Variants in LRIG2 observed in about 807,000 individuals in gnomAD.
LRIG2 encodes the protein leucine-rich repeats and immunoglobulin-like domains protein 2.
Under a neutral mutation model 107.8 loss-of-function variants are expected in LRIG2, and 93 were observed. That is an observed-to-expected ratio of 0.86 (90% CI 0.73 to 1.03). The LOEUF (loss-of-function observed/expected upper bound fraction) is 1.03. Ranked by LOEUF, LRIG2 falls within the 50% of genes least tolerant of loss-of-function variation. LRIG2 has a pLI of 0.00. For missense variants in LRIG2, 1,226 were observed against 1,296.0 expected (o/e 0.95, Z 0.83); for synonymous variants, 471 against 470.6 (o/e 1.00, Z -0.01).
chr1:113,097,446 A>G (rs1197077183), intron 8 of LRIG2, among the ~76,000 whole-genome samples: 1 of 152,074 alleles, frequency 6.6e-6, no homozygotes, highest in Non-Finnish European at 1.5e-5. Context: ...GGGTATATAC[A>G]TGCACAGGTG....
At chr1:113,096,067 T>G (rs1211790520) in intron 7 of LRIG2, 50 bp downstream of exon 7, 4 of 1,609,652 alleles carry the variant, frequency 2.5e-6, no homozygotes, top group Non-Finnish European at 3.4e-6. Flanking sequence ...TAGAGCAGAT[T>G]GGAATAAATC....
At chr1:113,118,171 G>A (rs1421047025) in intron 16 of LRIG2, among the ~76,000 whole-genome samples, 5 of 150,742 alleles carry the variant, frequency 3.3e-5, no homozygotes, top group Admixed American at 6.6e-5. Flanking sequence ...CACCTGCCTC[G>A]GCCTCCCCAA....
At chr1:113,100,377 A>G (rs193106608) in intron 10 of LRIG2, 43 bp from the exon 11 acceptor site, 3 of 1,435,590 alleles carry the variant, frequency 2.1e-6, no homozygotes, top group Admixed American at 1.7e-5. Context: ...GTAACTTGAT[A>G]TAGAAATGGT....
At chr1:113,080,673 C>T (rs939972232) in intron 1 of LRIG2, among the ~76,000 whole-genome samples, 10 of 151,822 alleles carry the variant, frequency 6.6e-5, no homozygotes, top group Admixed American at 3.3e-4. Flanking sequence ...CCACTGTGCC[C>T]GGCCTGCTTC....
chr1:113,102,579 A>AT (rs879906879), intron 11 of LRIG2, among the ~76,000 whole-genome samples: 101 of 145,832 alleles, frequency 6.9e-4, no homozygotes, highest in South Asian at 1.5e-3. Context: ...CTGTCAAGAT[A>AT]TTTTTTTTTT....
rs142682580 is a variant in LRIG2 at position 113,092,097 on chromosome 1, C to T, written c.305+714C>T. On this transcript the variant is annotated intron_variant, in intron 2 of 17. Coordinates refer to ENST00000361127, the MANE Select transcript of LRIG2 (RefSeq NM_014813.3). ...GGCCCCAGATTCACTGCTTCTAATA[C>T]GTTGTGGATGAGTACACAGTTGACA... Among the ~76,000 whole-genome samples the T allele has an allele frequency of 5.9e-5, 9 of 152,276 alleles. No homozygotes were observed. The East Asian group carries it at 1.5e-3, about 26-fold the overall frequency.
At chr1:113,085,669 A>T (rs1025730637) in intron 1 of LRIG2, among the ~76,000 whole-genome samples, 1 of 152,240 alleles carries the variant, frequency 6.6e-6, no homozygotes, top group African/African-American at 2.4e-5. Flanking sequence ...TCCAGGAAGC[A>T]TTTATTCACA....
intron 3 of LRIG2, 37 bp downstream of exon 3, chr1:113,093,317 A>G (rs368727896): frequency 6.4e-6 from 10 of 1,550,650 alleles, no homozygotes; most frequent in African/African-American, 2.8e-5. Context: ...TACTTAAATT[A>G]TGAAAAGTAT....
Position 113,114,695 on chromosome 1 carries a change from C to A in LRIG2, c.2349C>A (p.Val783=). 1 of 1,614,140 alleles carries A rather than the reference C, an allele frequency of 6.2e-7. No homozygotes were observed. Among genetic ancestry groups the A allele is most frequent in the Non-Finnish European group, 8.5e-7 (1 of 1,180,036 alleles). Reference sequence around the variant, plus strand: ...AACGTGGCCACATTTACCTAAATGTCATTTCATCCCCCAATTGTGACTCTT... The same window carrying A: ...AACGTGGCCACATTTACCTAAATGTAATTTCATCCCCCAATTGTGACTCTT... ...GTERGHIYLN[V]ISSPNCDSSQ... The change falls in exon 15 of 18, where the codon GTC becomes GTA. Residue 783 remains valine (V), a synonymous_variant. Coordinates refer to ENST00000361127, the MANE Select transcript of LRIG2 (RefSeq NM_014813.3).
Position 113,128,685 on chromosome 1 carries a change from T to A in LRIG2, c.*4584T>A, listed in dbSNP as rs758208654. On this transcript the variant is annotated 3_prime_UTR_variant, in exon 18 of 18. Transcript: ENST00000361127. ...AGAAATACTCATTAGGAGAAAAAAA[T>A]TCTGCTTCTAAACAGTATTAGTAAA... 6.6e-6 allele frequency: 1 copy of A among 152,122 alleles called. No individual in the cohort carries two copies. Among genetic ancestry groups the A allele is most frequent in the East Asian group, 1.9e-4 (1 of 5,194 alleles). 9.4% of individuals were successfully genotyped at this position (152,122 alleles called of 1,614,324 possible).
At position 113,073,343 on chromosome 1, in the gene LRIG2, T is replaced by C; in HGVS notation, c.-64T>C. 7.4e-7 allele frequency: 1 copy of C among 1,356,350 alleles called. No individual in the cohort carries two copies. The highest frequency in any genetic ancestry group is 1.2e-5 in the South Asian group (1 of 80,300). The allele number at this position is 1,356,350 out of a possible 1,614,324, so 84.0% of individuals were successfully genotyped here. ...AGCCACCGAGCATCTCTGCTGAGCTTCTCCGCCGATCCTCCTTTTCTAGCA... is the reference window on the plus strand; with the variant it reads ...AGCCACCGAGCATCTCTGCTGAGCTCCTCCGCCGATCCTCCTTTTCTAGCA... On this transcript the variant is annotated 5_prime_UTR_variant, in exon 1 of 18. Transcript: ENST00000361127.
chr1:113,115,403 G>A (rs1163131500), intron 15 of LRIG2, among the ~76,000 whole-genome samples: 1 of 152,078 alleles, frequency 6.6e-6, no homozygotes, highest in Non-Finnish European at 1.5e-5. Context: ...GTAGAGTCGG[G>A]TTTTGCCATG....
chr1:113,084,213 C>CTTTTT (rs66711679), intron 1 of LRIG2, among the ~76,000 whole-genome samples: 4 of 120,900 alleles, frequency 3.3e-5, no homozygotes, highest in East Asian at 2.4e-4. Context: ...TTACTTAATT[C>CTTTTT]TTTTTTTTTT....
At chr1:113,114,250 T>C (rs1164020605) in intron 14 of LRIG2, among the ~76,000 whole-genome samples, 177 bp from the exon 15 acceptor site, 5 of 152,138 alleles carry the variant, frequency 3.3e-5, no homozygotes, top group Non-Finnish European at 5.9e-5. Flanking sequence ...GCTGGAATTA[T>C]CGAGAAAAGA....
Position 113,110,240 on chromosome 1 carries a change from A to G in LRIG2, c.1478-2A>G, listed in dbSNP as rs765658419. 4.5e-6 allele frequency: 7 copies of G among 1,571,922 alleles called. No individual in the cohort carries two copies. The highest frequency in any genetic ancestry group is 2.7e-5 in the African/African-American group (2 of 73,426). ...GCTACGGATGCATTTTTTTCCCCTTAGATGATTTTCTCAAGCCACAGATAA... is the reference window on the plus strand; with the variant it reads ...GCTACGGATGCATTTTTTTCCCCTTGGATGATTTTCTCAAGCCACAGATAA... On this transcript the variant is annotated splice_acceptor_variant, in intron 12 of 17. Coordinates refer to ENST00000361127, the MANE Select transcript of LRIG2 (RefSeq NM_014813.3). LOFTEE classifies it high-confidence loss of function.
chr1:113,097,338 G>A (rs964166232), intron 8 of LRIG2, among the ~76,000 whole-genome samples: 1 of 152,118 alleles, frequency 6.6e-6, no homozygotes, highest in African/African-American at 2.4e-5. Context: ...GGACTTTGTG[G>A]TCATTAGGTT....
At chr1:113,073,754 A>G in intron 1 of LRIG2, 109 bp downstream of exon 1, 2 of 1,027,042 alleles carry the variant, frequency 1.9e-6, no homozygotes, top group Non-Finnish European at 2.8e-6. Context: ...CGAGAGCCTA[A>G]GCTCTGAAGG....
At chr1:113,122,465 A>G (rs1655304833) in intron 17 of LRIG2, among the ~76,000 whole-genome samples, 1 of 152,158 alleles carries the variant, frequency 6.6e-6, no homozygotes, top group Non-Finnish European at 1.5e-5. Context: ...TTAATCTCTT[A>G]TTTTTACATT....
chr1:113,078,104 A>T (rs1423336779), intron 1 of LRIG2, among the ~76,000 whole-genome samples: 1 of 151,896 alleles, frequency 6.6e-6, no homozygotes, highest in Non-Finnish European at 1.5e-5. Flanking sequence ...CATGGTATAT[A>T]TGTGCCACAT....
Sources: gnomAD v4.1 joint callset for allele counts (sites outside exome capture counted in the v4.1 genomes callset) on GRCh38, gnomAD v4.1.1 for gene constraint, MANE v1.5 for transcripts, NCBI Gene and HGNC (gene_info 2026-07-23, HGNC 2026-07-21) for gene names.